The following CECR2 variants were observed in gnomAD, a reference collection of about 807,000 sequenced individuals.
The protein encoded by CECR2 is CECR2 histone acetyl-lysine reader, also known as chromatin remodeling regulator CECR2.
A neutral mutation model predicts 154.5 loss-of-function variants in CECR2; 30 were observed. The ratio of observed to expected loss-of-function variants is 0.19; its 90% CI spans 0.15 to 0.26. The LOEUF is 0.26. Among genes scored for constraint, CECR2 ranks in the 10% least tolerant of loss-of-function variants. CECR2 has a pLI of 1.00. For missense variants in CECR2, 1,743 were observed against 1,829.3 expected (o/e 0.95, Z 0.86); for synonymous variants, 725 against 683.7 (o/e 1.06, Z -0.94).
intron 2 of CECR2, among the ~76,000 whole-genome samples, chr22:17,496,938 G>GTT (rs2055640112): frequency 6.6e-6 from 1 of 152,166 alleles, no homozygotes; most frequent in Non-Finnish European, 1.5e-5. Flanking sequence ...ATCCATGTAA[G>GTT]TAGGCTGAAA....
Position 17,554,462 on chromosome 22 carries a change from A to T in CECR2, c.*1622A>T, listed in dbSNP as rs1601222051. 1 of 152,302 alleles carries T rather than the reference A, an allele frequency of 6.6e-6. No individual in the cohort carries two copies. The highest frequency in any genetic ancestry group is 6.5e-5 in the Admixed American group (1 of 15,292). The allele number at this position is 152,302 out of a possible 1,614,324, so 9.4% of individuals were successfully genotyped here. On this transcript the variant is annotated 3_prime_UTR_variant, in exon 19 of 19. Transcript: ENST00000262608. The stretch of plus-strand genomic sequence containing the variant: ...CTGTCGTGTTTACAGTTTGCTAAAC[A>T]TATGCTGTCCGTGGAAAAGGAAGCT...
intron 1 of CECR2, among the ~76,000 whole-genome samples, chr22:17,462,468 T>A (rs1160447954): frequency 6.6e-6 from 1 of 152,196 alleles, no homozygotes; most frequent in African/African-American, 2.4e-5. Flanking sequence ...ACAGACTTAA[T>A]CTGATGAATT....
At chr22:17,489,760 A>G (rs2055490976) in intron 2 of CECR2, among the ~76,000 whole-genome samples, 1 of 152,168 alleles carries the variant, frequency 6.6e-6, no homozygotes, top group South Asian at 2.1e-4. Flanking sequence ...TCCAGGCCTT[A>G]TCAACTTTTT....
At position 17,530,543 on chromosome 22, in the gene CECR2, G is replaced by T. The variant is rs568848155; in HGVS notation, c.1108+6272G>T. Among the ~76,000 whole-genome samples the T allele has an allele frequency of 8.7e-4, 133 of 152,130 alleles. 1 individual carries two copies. The highest frequency in any genetic ancestry group is 2.8e-3 in the African/African-American group (117 of 41,518). On this transcript the variant is annotated intron_variant, in intron 9 of 18. Coordinates refer to ENST00000262608, the MANE Select transcript of CECR2 (RefSeq NM_001290047.2). The stretch of plus-strand genomic sequence containing the variant: ...AAAAAAAAAATTAGCCGGGCATGGT[G>T]GCGTGCACCTGTAGTCCCAACTACT...
At position 17,529,029 on chromosome 22, in the gene CECR2, G is replaced by T. The variant is rs181656361; in HGVS notation, c.1108+4758G>T. ...GAGGACCCCTTGAGCGCAGGAGATC[G>T]AGGCTGCAGTGAGCGCTGATTTCCC... On this transcript the variant is annotated intron_variant, in intron 9 of 18. Transcript: ENST00000262608. Among the ~76,000 whole-genome samples the T allele has an allele frequency of 6.2e-4, 94 of 152,200 alleles. 2 individuals are homozygous for T. The East Asian group carries it at 0.014, about 23-fold the overall frequency.
chr22:17,393,284 G>T (rs1337793530), intron 1 of CECR2, among the ~76,000 whole-genome samples: 1 of 152,080 alleles, frequency 6.6e-6, no homozygotes, highest in African/African-American at 2.4e-5. Context: ...GTGCCCCTTT[G>T]TGATTGGATT....
intron 1 of CECR2, among the ~76,000 whole-genome samples, chr22:17,361,939 A>G (rs1390694479): frequency 1.3e-5 from 2 of 152,136 alleles, no homozygotes; most frequent in African/African-American, 2.4e-5. Context: ...TGATTTAGTT[A>G]GAGAAAGAGG....
chr22:17,526,637 C>T lies in CECR2; in HGVS notation c.1108+2366C>T, dbSNP rs796160422. ...CAGCCTGGCCAAGGTGTTGAAACCC[C>T]GTCTCTACTAAAAATACAAAAATTA... On this transcript the variant is annotated intron_variant, in intron 9 of 18. Transcript: ENST00000262608. Among the ~76,000 whole-genome samples, 46 of 152,010 alleles carry T rather than the reference C, an allele frequency of 3.0e-4. 1 individual carries two copies. Among genetic ancestry groups the T allele is most frequent in the African/African-American group, 1.0e-3 (42 of 41,484 alleles).
At chr22:17,450,087 C>T (rs1027451596) in intron 1 of CECR2, among the ~76,000 whole-genome samples, 7 of 152,156 alleles carry the variant, frequency 4.6e-5, no homozygotes, top group Admixed American at 4.6e-4. Context: ...GGAATGAGAA[C>T]AGTAAATAGC....
chr22:17,408,890 G>A (rs1432726981), intron 1 of CECR2, among the ~76,000 whole-genome samples: 1 of 152,028 alleles, frequency 6.6e-6, no homozygotes, highest in Non-Finnish European at 1.5e-5. Context: ...TGCTTAGTGG[G>A]GCCCACGAAA....
intron 2 of CECR2, among the ~76,000 whole-genome samples, chr22:17,484,405 C>T (rs142268099): frequency 1.3e-5 from 2 of 152,106 alleles, no homozygotes; most frequent in Middle Eastern, 3.2e-3. Flanking sequence ...ATGAAAGCAG[C>T]CATAGGCAAT....
chr22:17,513,404 T>C (rs933674139), intron 8 of CECR2, among the ~76,000 whole-genome samples: 1 of 152,242 alleles, frequency 6.6e-6, no homozygotes, highest in Non-Finnish European at 1.5e-5. Flanking sequence ...AACATTTTCA[T>C]GGATCTTAAA....
chr22:17,386,621 A>G (rs907992557), intron 1 of CECR2, among the ~76,000 whole-genome samples: 9 of 151,592 alleles, frequency 5.9e-5, no homozygotes, highest in Non-Finnish European at 4.4e-5. Flanking sequence ...CTGTTGAGTA[A>G]AATGGAAATG....
intron 7 of CECR2, among the ~76,000 whole-genome samples, chr22:17,511,361 T>C (rs2055948328): frequency 6.6e-6 from 1 of 152,152 alleles, no homozygotes; most frequent in Non-Finnish European, 1.5e-5. Flanking sequence ...TCTCCCTGGC[T>C]TCCCCTCCTG....
intron 1 of CECR2, among the ~76,000 whole-genome samples, chr22:17,392,159 T>C (rs2063332808): frequency 6.6e-6 from 1 of 152,196 alleles, no homozygotes; most frequent in East Asian, 1.9e-4. Flanking sequence ...TGGTAGCTCA[T>C]GCCTGTAATC....
At chr22:17,552,226 A>C in intron 18 of CECR2, 84 bp downstream of exon 18, 1 of 1,297,028 alleles carries the variant, frequency 7.7e-7, no homozygotes, top group African/African-American at 1.5e-5. Context: ...GTTCTGAAAA[A>C]ATGTTTTAAG....
chr22:17,488,073 C>T (rs549761392), intron 2 of CECR2, among the ~76,000 whole-genome samples: 9 of 151,988 alleles, frequency 5.9e-5, no homozygotes, highest in Middle Eastern at 3.4e-3. Flanking sequence ...GTAGAGACAG[C>T]GTTTCACCAT....
intron 3 of CECR2, among the ~76,000 whole-genome samples, chr22:17,498,056 A>G (rs577391001): frequency 4.9e-4 from 74 of 152,336 alleles, no homozygotes; most frequent in African/African-American, 1.7e-3. Context: ...AGCTGTGGCC[A>G]TCTCTCTGTC....
At chr22:17,521,783 T>C (rs2056163409) in intron 8 of CECR2, among the ~76,000 whole-genome samples, 1 of 152,200 alleles carries the variant, frequency 6.6e-6, no homozygotes, top group African/African-American at 2.4e-5. Context: ...GTTTTGGCTT[T>C]TGTTGCCATT....
Sources: allele counts gnomAD v4.1 joint callset (sites outside exome capture counted in the v4.1 genomes callset), GRCh38; gene constraint gnomAD v4.1.1; transcripts MANE v1.5; gene names NCBI Gene and HGNC (gene_info 2026-07-23, HGNC 2026-07-21).